MTREX: variants seen among roughly 807,000 people sequenced by gnomAD.
MTREX encodes the protein exosome RNA helicase MTR4.
In MTREX, 76 loss-of-function variants were observed where a neutral mutation model predicts 135.4. The ratio of observed to expected loss-of-function variants is 0.56; its 90% CI spans 0.47 to 0.68. The LOEUF is 0.68. MTREX is among the 30% of genes least tolerant of loss of function. MTREX has a pLI of 0.00. For missense variants in MTREX, 920 were observed against 1,262.1 expected, an observed-to-expected ratio of 0.73 and a Z score of 4.11; for synonymous variants, 404 against 401.6, an observed-to-expected ratio of 1.01 and a Z score of -0.07.
chr5:55,378,521 A>G (rs746453371), intron 17 of MTREX, 35 bp downstream of exon 17: 11 of 1,559,716 alleles, frequency 7.1e-6, no homozygotes, highest in Non-Finnish European at 9.5e-6. Flanking sequence ...TACTTGAATA[A>G]TTCAATATTT....
At chr5:55,385,336 G>T (rs1312112863) in intron 18 of MTREX, among the ~76,000 whole-genome samples, 1 of 152,202 alleles carries the variant, frequency 6.6e-6, no homozygotes, top group African/African-American at 2.4e-5. Flanking sequence ...CACCAAGATA[G>T]AGCCTCTGGC....
At chr5:55,333,903 G>A (rs1224004226) in intron 5 of MTREX, among the ~76,000 whole-genome samples, 3 of 152,026 alleles carry the variant, frequency 2.0e-5, no homozygotes, top group South Asian at 2.1e-4. Flanking sequence ...TCACAGCAGC[G>A]CTATTCACAA....
intron 9 of MTREX, 27 bp downstream of exon 9, chr5:55,344,647 TC>T: frequency 1.5e-6 from 2 of 1,300,868 alleles, no homozygotes; most frequent in Non-Finnish European, 2.2e-6. Context: ...CCTTTTTAAA[TC>T]TATAATGTCA....
intron 25 of MTREX, among the ~76,000 whole-genome samples, chr5:55,417,847 A>C (rs1750991103): frequency 1.3e-5 from 2 of 152,242 alleles, no homozygotes; most frequent in Non-Finnish European, 2.9e-5. Context: ...CTGAAAAGTC[A>C]GAACACAATG....
intron 18 of MTREX, among the ~76,000 whole-genome samples, chr5:55,385,838 G>A (rs751763068): frequency 2.0e-5 from 3 of 152,068 alleles, no homozygotes; most frequent in Non-Finnish European, 4.4e-5. Context: ...AAAATTACTT[G>A]CCTCTTTTGA....
intron 15 of MTREX, among the ~76,000 whole-genome samples, chr5:55,365,687 C>G (rs1444306644): frequency 6.6e-6 from 1 of 152,128 alleles, no homozygotes. Context: ...ACTTCTGAAG[C>G]ATTTTTATTA....
chr5:55,315,267 T>G (rs1321735430), intron 1 of MTREX, among the ~76,000 whole-genome samples: 3 of 152,212 alleles, frequency 2.0e-5, no homozygotes, highest in Non-Finnish European at 4.4e-5. Flanking sequence ...CTTTATAGAC[T>G]AGGGATATTA....
intron 14 of MTREX, among the ~76,000 whole-genome samples, chr5:55,358,335 A>T (rs1490934156): frequency 6.6e-6 from 1 of 152,190 alleles, no homozygotes; most frequent in Non-Finnish European, 1.5e-5. Flanking sequence ...CAAAATGATA[A>T]TAAGTCTAAA....
At chr5:55,413,017 T>C (rs1224913418) in intron 23 of MTREX, among the ~76,000 whole-genome samples, 3 of 151,898 alleles carry the variant, frequency 2.0e-5, no homozygotes, top group Non-Finnish European at 4.4e-5. Context: ...AAGGCAGATA[T>C]GTCGCAACTA....
rs752790060 is a variant in MTREX at position 55,366,805 on chromosome 5, T to C, written c.1740T>C (p.Asn580=). 5 of 1,610,836 alleles carry C rather than the reference T, an allele frequency of 3.1e-6. No homozygotes were observed. The highest frequency in any genetic ancestry group is 4.2e-6 in the Non-Finnish European group (5 of 1,178,392). Residue 580 remains asparagine (N), a synonymous_variant, in exon 16 of 27, where the codon AAT becomes AAC. Transcript: ENST00000230640. ...ACTTACTACGTGTAGAAGAAATTAA[T>C]CCTGAGTACATGTTGGAAAAATCCT... ...VLNLLRVEEI[N]PEYMLEKSFY...
chr5:55,397,540 T>TATGAAATTAA lies in MTREX; in HGVS notation c.2292+14_2292+15insATGAAATTAA. The stretch of plus-strand genomic sequence containing the variant: ...AAATCAATACAGGTATGTGTTAATT[T>TATGAAATTAA]CATAAGTTAAGTATAAATTTTATGT... On this transcript the variant is annotated intron_variant, in intron 20 of 26. Coordinates refer to ENST00000230640, the MANE Select transcript of MTREX (RefSeq NM_015360.5). 1 of 1,513,350 alleles carries TATGAAATTAA rather than the reference T, an allele frequency of 6.6e-7. No homozygotes were observed. Among genetic ancestry groups the TATGAAATTAA allele is most frequent in the Non-Finnish European group, 9.1e-7 (1 of 1,099,908 alleles). The allele number at this position is 1,513,350 out of a possible 1,614,324, so 93.7% of individuals were successfully genotyped here.
rs911717355 is a variant in MTREX, at chr5:55,328,914, C to G, written c.515+103C>G. ...GCTAGTGAAGATGGTTTTACTTGTCCCTTTTGAACAATTTCTTTTTCATGT... is the reference window on the plus strand; with the variant it reads ...GCTAGTGAAGATGGTTTTACTTGTCGCTTTTGAACAATTTCTTTTTCATGT... On this transcript the variant is annotated intron_variant, in intron 5 of 26. Coordinates refer to ENST00000230640, the MANE Select transcript of MTREX (RefSeq NM_015360.5). 6.4e-6 allele frequency: 4 copies of G among 621,574 alleles called. No individual in the cohort carries two copies. The African/African-American group carries it at 7.5e-5, about 12-fold the overall frequency. The allele number at this position is 621,574 out of a possible 1,614,324, so 38.5% of individuals were successfully genotyped here. A position where few individuals can be genotyped will look rare whatever the true frequency, so the allele number is the denominator to read the frequency against.
chr5:55,339,542 T>A (rs924412049), intron 5 of MTREX, among the ~76,000 whole-genome samples: 1 of 152,350 alleles, frequency 6.6e-6, no homozygotes, highest in East Asian at 1.9e-4. Context: ...AATCAGAACC[T>A]ACCATAATTT....
At chr5:55,316,587 C>T (rs1749201974) in intron 1 of MTREX, among the ~76,000 whole-genome samples, 1 of 152,124 alleles carries the variant, frequency 6.6e-6, no homozygotes, top group African/African-American at 2.4e-5. Flanking sequence ...TTCAACACCC[C>T]TCCATGTTAA....
chr5:55,400,354 ATTC>A lies in MTREX; in HGVS notation c.2416_2418del (p.Ser806del). 1 of 1,613,594 alleles carries A rather than the reference ATTC, an allele frequency of 6.2e-7. No homozygotes were observed. Among genetic ancestry groups the A allele is most frequent in the Non-Finnish European group, 8.5e-7 (1 of 1,179,740 alleles). On this transcript the variant is annotated inframe_deletion, in exon 21 of 27. Coordinates refer to ENST00000230640, the MANE Select transcript of MTREX (RefSeq NM_015360.5). ...GTAGAAGCTTTTGAGCATCGAATGT[ATTC>A]TCATCCACTTCACAATGATCCAAAT... is the stretch of plus-strand genomic sequence containing the variant.
At chr5:55,316,106 C>T (rs1486582340) in intron 1 of MTREX, among the ~76,000 whole-genome samples, 1 of 152,086 alleles carries the variant, frequency 6.6e-6, no homozygotes, top group Admixed American at 6.6e-5. Context: ...ATTCCCTAAA[C>T]AGACCAGTAG....
At chr5:55,388,708 A>G (rs958337049) in intron 19 of MTREX, among the ~76,000 whole-genome samples, 2 of 152,172 alleles carry the variant, frequency 1.3e-5, no homozygotes, top group East Asian at 1.9e-4. Flanking sequence ...GATATTTTCT[A>G]CTTACAACTA....
intron 21 of MTREX, among the ~76,000 whole-genome samples, chr5:55,402,852 A>ATGTGTGTGTG (rs767239762): frequency 1.6e-3 from 188 of 114,510 alleles, no homozygotes; most frequent in African/African-American, 5.6e-3. Flanking sequence ...ATGTGTATGT[A>ATGTGTGTGTG]TGTGTGTGTG....
At chr5:55,315,196 A>G (rs1160038676) in intron 1 of MTREX, among the ~76,000 whole-genome samples, 3 of 152,176 alleles carry the variant, frequency 2.0e-5, no homozygotes, top group African/African-American at 7.2e-5. Context: ...ATTCGTGTTA[A>G]TTTATATTTC....
Sources: allele counts gnomAD v4.1 joint callset (sites outside exome capture counted in the v4.1 genomes callset), GRCh38; gene constraint gnomAD v4.1.1; transcripts MANE v1.5; gene names NCBI Gene and HGNC (gene_info 2026-07-23, HGNC 2026-07-21).